CAPZA2: variants seen among roughly 807,000 people sequenced by gnomAD.
CAPZA2 encodes the protein capping actin protein of muscle Z-line subunit alpha 2.
In CAPZA2, 13 loss-of-function variants were observed where a neutral mutation model predicts 44.0. The ratio of observed to expected loss-of-function variants is 0.30; its 90% CI spans 0.19 to 0.47. CAPZA2 has a LOEUF of 0.47. Ranked by LOEUF, CAPZA2 falls within the 20% of genes least tolerant of loss-of-function variation. CAPZA2 has a pLI of 1.00. For missense variants in CAPZA2, 244 were observed against 338.6 expected, an observed-to-expected ratio of 0.72 and a Z score of 2.19; for synonymous variants, 94 against 108.2, an observed-to-expected ratio of 0.87 and a Z score of 0.81.
At chr7:116,865,376 G>A (rs1789168767) in intron 1 of CAPZA2, among the ~76,000 whole-genome samples, 1 of 151,232 alleles carries the variant, frequency 6.6e-6, no homozygotes, top group Admixed American at 6.6e-5. Flanking sequence ...AGTAGAGACG[G>A]GGTTTCGCTA....
chr7:116,865,030 A>G (rs1384578636), intron 1 of CAPZA2, among the ~76,000 whole-genome samples: 1 of 152,124 alleles, frequency 6.6e-6, no homozygotes, highest in Non-Finnish European at 1.5e-5. Flanking sequence ...TGTTGTTGTA[A>G]GAGGTAGTTC....
At chr7:116,911,949 A>C (rs1791602637) in intron 7 of CAPZA2, 120 bp from the exon 8 acceptor site, 2 of 1,509,202 alleles carry the variant, frequency 1.3e-6, no homozygotes, top group African/African-American at 2.8e-5. Context: ...TTTGGGGCTC[A>C]GCAGAGAAGT....
chr7:116,865,520 C>T (rs1796472586), intron 1 of CAPZA2, among the ~76,000 whole-genome samples: 1 of 151,936 alleles, frequency 6.6e-6, no homozygotes, highest in Non-Finnish European at 1.5e-5. Context: ...TTGATAAGAA[C>T]CTCTTCTGGT....
chr7:116,882,562 A>G (rs1202388814), intron 1 of CAPZA2, among the ~76,000 whole-genome samples: 1 of 152,158 alleles, frequency 6.6e-6, no homozygotes, highest in African/African-American at 2.4e-5. Flanking sequence ...GTATTGTCTC[A>G]GACAGTTGAT....
rs1345600222 is a variant in CAPZA2, at chr7:116,918,616, A to C, written c.*749A>C. 1.3e-5 allele frequency: 2 copies of C among 152,616 alleles called. No individual in the cohort carries two copies. Among genetic ancestry groups the C allele is most frequent in the Non-Finnish European group, 2.9e-5 (2 of 68,038 alleles). 9.5% of individuals were successfully genotyped at this position (152,616 alleles called of 1,614,324 possible). On this transcript the variant is annotated 3_prime_UTR_variant, in exon 10 of 10. Coordinates refer to ENST00000361183, the MANE Select transcript of CAPZA2 (RefSeq NM_006136.3). Reference sequence around the variant, plus strand: ...CATAAAGCCACAAATGTATTATAACAAGGCAAATTGTAATATATATAATCC... The same window carrying C: ...CATAAAGCCACAAATGTATTATAACCAGGCAAATTGTAATATATATAATCC...
intron 5 of CAPZA2, among the ~76,000 whole-genome samples, chr7:116,905,669 G>T (rs962617356): frequency 1.3e-5 from 2 of 152,138 alleles, no homozygotes; most frequent in Admixed American, 6.5e-5. Flanking sequence ...GAGGAATAAC[G>T]AGAGTTAAGG....
intron 1 of CAPZA2, among the ~76,000 whole-genome samples, chr7:116,883,719 G>A (rs1057388022): frequency 1.3e-5 from 2 of 152,098 alleles, no homozygotes; most frequent in Non-Finnish European, 2.9e-5. Context: ...TAAAAATGCA[G>A]TACAGATCAT....
chr7:116,889,167 C>T (rs1248301330), intron 2 of CAPZA2, among the ~76,000 whole-genome samples: 1 of 152,186 alleles, frequency 6.6e-6, no homozygotes, highest in Non-Finnish European at 1.5e-5. Flanking sequence ...AGCTGCTCCT[C>T]AGCAGTAAGA....
chr7:116,891,039 G>T (rs565265033), intron 2 of CAPZA2, among the ~76,000 whole-genome samples: 3 of 152,172 alleles, frequency 2.0e-5, no homozygotes, highest in African/African-American at 7.2e-5. Context: ...CAAACATATA[G>T]TCATAGATCT....
intron 1 of CAPZA2, among the ~76,000 whole-genome samples, chr7:116,879,145 A>G (rs796325847): frequency 2.4e-4 from 36 of 150,152 alleles, no homozygotes; most frequent in East Asian, 7.8e-4. Context: ...AAAAAAAAAA[A>G]AAAAGAAAAG....
chr7:116,874,410 C>T (rs1247258208), intron 1 of CAPZA2: 5 of 152,522 alleles, frequency 3.3e-5, no homozygotes, highest in Non-Finnish European at 7.3e-5. Context: ...GTTAGTATCA[C>T]TTGCCTTGGC....
At chr7:116,871,605 A>G (rs189293144) in intron 1 of CAPZA2, among the ~76,000 whole-genome samples, 186 of 152,272 alleles carry the variant, frequency 1.2e-3, no homozygotes, top group South Asian at 1.7e-3. Context: ...AATAAAAAGT[A>G]TGTGTGTATT....
At chr7:116,915,092 A>G (rs563746984) in intron 8 of CAPZA2, among the ~76,000 whole-genome samples, 3 of 152,232 alleles carry the variant, frequency 2.0e-5, no homozygotes, top group Middle Eastern at 3.4e-3. Flanking sequence ...AGCCTGGCCA[A>G]TATGACGAAA....
intron 5 of CAPZA2, among the ~76,000 whole-genome samples, chr7:116,905,723 G>A (rs571852522): frequency 1.3e-5 from 2 of 152,164 alleles, no homozygotes; most frequent in South Asian, 2.1e-4. Flanking sequence ...AGGATTGAAA[G>A]GCACAAATTA....
At chr7:116,864,683 A>G (rs774609166) in intron 1 of CAPZA2, among the ~76,000 whole-genome samples, 2 of 152,086 alleles carry the variant, frequency 1.3e-5, no homozygotes, top group Admixed American at 1.3e-4. Context: ...CAGAAAACAG[A>G]GAGGACTTAA....
intron 1 of CAPZA2, among the ~76,000 whole-genome samples, chr7:116,867,793 A>G (rs936492976): frequency 6.6e-6 from 1 of 152,126 alleles, no homozygotes; most frequent in African/African-American, 2.4e-5. Flanking sequence ...TATGTTGCCC[A>G]GGCTGGTCTG....
intron 1 of CAPZA2, 135 bp downstream of exon 1, chr7:116,862,785 C>A: frequency 3.1e-6 from 3 of 969,058 alleles, no homozygotes; most frequent in Non-Finnish European, 4.5e-6. Flanking sequence ...CCTCCCCCAT[C>A]CTTACTGCGC....
At chr7:116,900,604 A>G (rs1253873795) in intron 4 of CAPZA2, among the ~76,000 whole-genome samples, 3 of 151,996 alleles carry the variant, frequency 2.0e-5, no homozygotes, top group Admixed American at 2.0e-4. Flanking sequence ...CTTCATCAAA[A>G]AAAGGCATAC....
chr7:116,909,602 T>C (rs1791560675), intron 6 of CAPZA2, among the ~76,000 whole-genome samples: 1 of 151,968 alleles, frequency 6.6e-6, no homozygotes, highest in African/African-American at 2.4e-5. Flanking sequence ...AAACTCATGT[T>C]AATAAGTATA....
Sources: allele counts gnomAD v4.1 joint callset (sites outside exome capture counted in the v4.1 genomes callset), GRCh38; gene constraint gnomAD v4.1.1; transcripts MANE v1.5; gene names NCBI Gene and HGNC (gene_info 2026-07-23, HGNC 2026-07-21).